Variants in POU2F1 observed in about 807,000 individuals in gnomAD.
POU2F1 encodes POU domain, class 2, transcription factor 1.
Under a neutral mutation model 84.9 loss-of-function variants are expected in POU2F1, and 16 were observed. The observed-to-expected ratio is 0.19, with a 90% CI of 0.13 to 0.29. The LOEUF (loss-of-function observed/expected upper bound fraction) is 0.29. Ranked by LOEUF, POU2F1 falls within the 10% of genes least tolerant of loss-of-function variation. The probability of loss-of-function intolerance (pLI) is 1.00; values close to 1 mark genes in which losing one functional copy is unlikely to be tolerated. For missense variants in POU2F1, 738 were observed against 942.6 expected (o/e 0.78, Z 2.84); for synonymous variants, 368 against 368.3 (o/e 1.00, Z 0.01).
At position 167,414,841 on chromosome 1, in the gene POU2F1, T is replaced by C. The variant is rs574198183; in HGVS notation, c.1991-659T>C. On this transcript the variant is annotated intron_variant, in intron 15 of 15. Coordinates refer to ENST00000367866, the MANE Select transcript of POU2F1 (RefSeq NM_002697.4). Reference sequence around the variant, plus strand: ...GGTGATACATAATTTATTTTAGAACTAAAGCCTTTTTGCAAGATGATTTTC... The same window carrying C: ...GGTGATACATAATTTATTTTAGAACCAAAGCCTTTTTGCAAGATGATTTTC... The C allele has an allele frequency of 7.5e-6, 5 of 668,038 alleles. No individual in the cohort carries two copies. In the South Asian group the frequency reaches 2.7e-4, roughly 36 times the overall value. 41.4% of individuals were successfully genotyped at this position (668,038 alleles called of 1,614,324 possible).
At chr1:167,297,260 T>G (rs548375072) in intron 1 of POU2F1, among the ~76,000 whole-genome samples, 6 of 152,346 alleles carry the variant, frequency 3.9e-5, no homozygotes, top group African/African-American at 1.4e-4. Flanking sequence ...CTTAATAATT[T>G]AACGTATTTG....
At chr1:167,221,704 T>C (rs1380121711) in intron 1 of POU2F1, among the ~76,000 whole-genome samples, 2 of 150,256 alleles carry the variant, frequency 1.3e-5, no homozygotes, top group African/African-American at 4.9e-5. Context: ...GTCCCCAATG[T>C]GGTGGCCTGA....
At chr1:167,305,434 A>G (rs1199930042) in intron 1 of POU2F1, among the ~76,000 whole-genome samples, 1 of 152,108 alleles carries the variant, frequency 6.6e-6, no homozygotes, top group Non-Finnish European at 1.5e-5. Context: ...TCCTGAGCTC[A>G]GGCAATCTGC....
At chr1:167,233,399 A>C (rs1207248150) in intron 1 of POU2F1, among the ~76,000 whole-genome samples, 1 of 151,914 alleles carries the variant, frequency 6.6e-6, no homozygotes, top group East Asian at 1.9e-4. Context: ...TGGCCTCCCA[A>C]AGTGCTGGGA....
intron 1 of POU2F1, among the ~76,000 whole-genome samples, chr1:167,256,120 G>A (rs1057146009): frequency 6.6e-6 from 1 of 152,190 alleles, no homozygotes; most frequent in Admixed American, 6.5e-5. Context: ...TGAGCTGTAG[G>A]AGAAAGATTC....
intron 2 of POU2F1, among the ~76,000 whole-genome samples, chr1:167,352,889 A>G (rs932702): frequency 0.086 from 13,140 of 152,188 alleles, 1,796 homozygotes; most frequent in African/African-American, 0.29. Flanking sequence ...GGTATAGATT[A>G]TTGCTTTTGG....
chr1:167,384,012 CTTTATT>C, intron 8 of POU2F1, 61 bp downstream of exon 8: 1 of 1,327,860 alleles, frequency 7.5e-7, no homozygotes, highest in Non-Finnish European at 1.0e-6. Context: ...GACTTTTGGA[CTTTATT>C]TAATTTTTTT....
At chr1:167,395,196 C>T (rs1271001070) in intron 9 of POU2F1, among the ~76,000 whole-genome samples, 1 of 152,182 alleles carries the variant, frequency 6.6e-6, no homozygotes, top group African/African-American at 2.4e-5. Flanking sequence ...GCTCTGTATA[C>T]ATTTCAAAGG....
chr1:167,251,493 T>C (rs1243649833), intron 1 of POU2F1, among the ~76,000 whole-genome samples: 43 of 152,188 alleles, frequency 2.8e-4, no homozygotes, highest in Non-Finnish European at 2.5e-4. Context: ...CAAATTCATA[T>C]ATTATTTGGT....
chr1:167,405,873 G>A (rs1649539689), intron 13 of POU2F1, among the ~76,000 whole-genome samples: 1 of 152,056 alleles, frequency 6.6e-6, no homozygotes, highest in Non-Finnish European at 1.5e-5. Flanking sequence ...AAATTAAAAA[G>A]GATTAAAATC....
chr1:167,401,516 C>T lies in POU2F1; in HGVS notation c.1515C>T (p.Leu505=). 3 of 1,613,004 alleles carry T rather than the reference C, an allele frequency of 1.9e-6. No homozygotes were observed. Among genetic ancestry groups the T allele is most frequent in the Non-Finnish European group, 2.5e-6 (3 of 1,179,598 alleles). The change falls in exon 13 of 16, where the codon CTC becomes CTT. Residue 505 remains leucine (L), a synonymous_variant. Coordinates refer to ENST00000367866, the MANE Select transcript of POU2F1 (RefSeq NM_002697.4). ...CTACCCTCACAGTCAGCCCTGTCCT[C>T]CCTCTGACCAGTGCTGCTGTGACGA... ...AATTLTVSPV[L]PLTSAAVTNL... is the part of the protein sequence containing the mutation.
At chr1:167,399,039 A>G (rs1441648371) in intron 11 of POU2F1, 147 bp from the exon 12 acceptor site, 2 of 616,522 alleles carry the variant, frequency 3.2e-6, no homozygotes, top group South Asian at 3.4e-5. Context: ...TAGAACTTCT[A>G]TCTACACAAT....
intron 2 of POU2F1, among the ~76,000 whole-genome samples, chr1:167,354,900 A>G (rs553578590): frequency 4.6e-4 from 70 of 152,094 alleles, no homozygotes; most frequent in Non-Finnish European, 9.3e-4. Flanking sequence ...ATTGACTCAT[A>G]GGAGTTCTTT....
chr1:167,399,268 G>A lies in POU2F1; in HGVS notation c.1352G>A (p.Cys451Tyr). The change falls in exon 12 of 16, where the codon TGT becomes TAT. Residue 451 changes from cysteine to tyrosine, a missense_variant. Physicochemically the swap from Cys to Tyr is radical, Grantham distance 194. This residue lies in a region of POU2F1 where 95 missense variants were observed against 195.1 expected (regional missense o/e 0.49). Coordinates refer to ENST00000367866, the MANE Select transcript of POU2F1 (RefSeq NM_002697.4). ...MEKEVIRVWF[C>Y]NRRQKEKRIN... ...AAAGAGGTGATTCGTGTTTGGTTCT[G>A]TAACCGCCGCCAGAAAGAAAAAAGA... 6.2e-7 allele frequency: 1 copy of A among 1,614,012 alleles called. No homozygotes were observed. Among genetic ancestry groups the A allele is most frequent in the Non-Finnish European group, 8.5e-7 (1 of 1,179,976 alleles).
chr1:167,354,373 C>G (rs2101797227), intron 2 of POU2F1, among the ~76,000 whole-genome samples: 1 of 152,238 alleles, frequency 6.6e-6, no homozygotes, highest in South Asian at 2.1e-4. Flanking sequence ...CTCACTGCAA[C>G]CTCGGCCTCC....
intron 2 of POU2F1, among the ~76,000 whole-genome samples, chr1:167,347,751 A>C (rs1330685312): frequency 6.6e-6 from 1 of 151,976 alleles, no homozygotes; most frequent in Non-Finnish European, 1.5e-5. Context: ...AAATTTACCT[A>C]TTCTAGGTAT....
chr1:167,365,983 T>C (rs1571378611), intron 3 of POU2F1, among the ~76,000 whole-genome samples: 1 of 152,178 alleles, frequency 6.6e-6, no homozygotes, highest in East Asian at 1.9e-4. Context: ...TGACAGTTGA[T>C]TTGGGCAACT....
intron 1 of POU2F1, among the ~76,000 whole-genome samples, chr1:167,295,463 G>T (rs1266738000): frequency 6.6e-6 from 1 of 152,168 alleles, no homozygotes; most frequent in African/African-American, 2.4e-5. Flanking sequence ...TCACTTATAA[G>T]TGGGAACTAA....
rs2101960756 is a variant in POU2F1 at position 167,418,903 on chromosome 1, T to C, written c.*3093T>C. On this transcript the variant is annotated 3_prime_UTR_variant, in exon 16 of 16. Coordinates refer to ENST00000367866, the MANE Select transcript of POU2F1 (RefSeq NM_002697.4). ...AATAATCTTTAGGAAAAGATAAATC[T>C]TTAGATAAAAATAAATTTTTTTCTC... 1 of 152,300 alleles carries C rather than the reference T, an allele frequency of 6.6e-6. No homozygotes were observed. The highest frequency in any genetic ancestry group is 2.1e-4 in the South Asian group (1 of 4,830). The allele number at this position is 152,300 out of a possible 1,614,324, so 9.4% of individuals were successfully genotyped here. A position where few individuals can be genotyped will look rare whatever the true frequency, so the allele number is the denominator to read the frequency against.
Sources: gnomAD v4.1 joint callset for allele counts (sites outside exome capture counted in the v4.1 genomes callset) on GRCh38, gnomAD v4.1.1 for gene constraint, gnomAD v4.1.1 regional missense constraint, MANE v1.5 for transcripts, NCBI Gene and HGNC (gene_info 2026-07-23, HGNC 2026-07-21) for gene names.